Variants in FGF14 observed in about 807,000 individuals in gnomAD.
The protein encoded by FGF14 is fibroblast growth factor 14.
FGF14 carries 5 observed loss-of-function variants against 25.5 expected under a neutral mutation model. The ratio of observed to expected loss-of-function variants is 0.20; its 90% CI spans 0.10 to 0.41. FGF14 has a LOEUF of 0.41. Ranked by LOEUF, FGF14 falls within the 10% of genes least tolerant of loss-of-function variation. FGF14 has a pLI of 1.00. For synonymous variants in FGF14, 138 were observed against 118.3 expected (o/e 1.17, Z -1.08); for missense variants, 222 against 320.1 (o/e 0.69, Z 2.34).
chr13:101,836,789 G>T (rs1236593937), intron 3 of FGF14, among the ~76,000 whole-genome samples: 7 of 151,958 alleles, frequency 4.6e-5, no homozygotes, highest in Non-Finnish European at 1.0e-4. Flanking sequence ...ACCAGCAAGA[G>T]ATTTTTGAGA....
At chr13:101,918,262 C>T (rs2033726454), upstream of FGF14, among the ~76,000 whole-genome samples, 1 of 152,134 alleles carries the variant, frequency 6.6e-6, no homozygotes, top group South Asian at 2.1e-4. Context: ...AACACAGTTC[C>T]GTGGTTTCTA....
At position 101,815,995 on chromosome 13, in the gene FGF14, G is replaced by C. The variant is rs531330550; in HGVS notation, c.408+52730C>G. 5.0e-3 allele frequency among the ~76,000 whole-genome samples: 646 copies of C among 127,992 alleles called. 3 individuals carry two copies. The highest frequency in any genetic ancestry group is 0.018 in the African/African-American group (620 of 34,292). The allele number at this position is 127,992 out of a possible 152,430, so 84.0% of individuals were successfully genotyped here. A position where few individuals can be genotyped will look rare whatever the true frequency, so the allele number is the denominator to read the frequency against. On this transcript the variant is annotated intron_variant, in intron 3 of 4. Coordinates refer to ENST00000376143, the MANE Select transcript of FGF14 (RefSeq NM_004115.4). ...GGCTATTAAAAAGTTGGCTTGGCCG[G>C]GCGCGGTGGCTCACGCCTGTATCCT...
At chr13:101,816,899 G>C (rs1036564883) in intron 3 of FGF14, among the ~76,000 whole-genome samples, 1 of 152,096 alleles carries the variant, frequency 6.6e-6, no homozygotes, top group African/African-American at 2.4e-5. Context: ...GTAATGTTAA[G>C]CATACTTGTT....
At position 102,149,708 on chromosome 13, in the gene FGF14, G is replaced by A. The variant is rs7321918; in HGVS notation, c.208+251763C>T. 2.0e-5 allele frequency among the ~76,000 whole-genome samples: 3 copies of A among 152,338 alleles called. No individual in the cohort carries two copies. The South Asian group carries it at 6.2e-4, about 32-fold the overall frequency. ...GGGGAGTAATAGGGACAAAGGCACA[G>A]AGCCCAGACAGGGCGACGAAGTCGA... On this transcript the variant is annotated intron_variant, in intron 1 of 4. Transcript: ENST00000376131.
intron 1 of FGF14, among the ~76,000 whole-genome samples, chr13:102,341,820 A>T (rs911122126): frequency 2.0e-5 from 3 of 152,298 alleles, no homozygotes; most frequent in African/African-American, 7.2e-5. Context: ...GGTGCCCTGG[A>T]GAGATTGATG....
intron 1 of FGF14, among the ~76,000 whole-genome samples, chr13:101,876,786 A>G (rs1262366224): frequency 6.6e-6 from 1 of 152,090 alleles, no homozygotes; most frequent in Non-Finnish European, 1.5e-5. Context: ...TAATTCTAAG[A>G]TATGCACTAG....
intron 3 of FGF14, among the ~76,000 whole-genome samples, chr13:101,780,511 A>T (rs1051720428): frequency 6.6e-6 from 1 of 152,184 alleles, no homozygotes; most frequent in Non-Finnish European, 1.5e-5. Context: ...TGCTACTTTT[A>T]TTCTTCAACA....
At chr13:102,059,732 C>A (rs1348847915) in intron 1 of FGF14, among the ~76,000 whole-genome samples, 1 of 151,850 alleles carries the variant, frequency 6.6e-6, no homozygotes, top group Non-Finnish European at 1.5e-5. Context: ...ACGCCTGTAG[C>A]CCCAGCTACT....
intron 3 of FGF14, among the ~76,000 whole-genome samples, chr13:101,772,095 C>T (rs1391335487): frequency 6.6e-6 from 1 of 152,010 alleles, no homozygotes; most frequent in Admixed American, 6.6e-5. Context: ...ATTGGGGAGG[C>T]TTCCTAGACC....
intron 1 of FGF14, among the ~76,000 whole-genome samples, chr13:102,378,011 G>A (rs2058080354): frequency 6.6e-6 from 1 of 152,208 alleles, no homozygotes; most frequent in Admixed American, 6.5e-5. Context: ...CTCAGTGACA[G>A]AACAAGGCTC....
chr13:101,972,938 G>C (rs1242708361), intron 1 of FGF14, among the ~76,000 whole-genome samples: 2 of 152,182 alleles, frequency 1.3e-5, no homozygotes, highest in African/African-American at 4.8e-5. Context: ...AAAGAGATAA[G>C]CTTGATGAAG....
At chr13:102,230,256 T>C (rs769503321) in intron 1 of FGF14, among the ~76,000 whole-genome samples, 26 of 152,152 alleles carry the variant, frequency 1.7e-4, no homozygotes, top group Non-Finnish European at 2.1e-4. Flanking sequence ...TCCCAGTCTC[T>C]AGAACTGTGA....
At chr13:102,333,643 G>C (rs146145870) in intron 1 of FGF14, among the ~76,000 whole-genome samples, 131 of 152,290 alleles carry the variant, frequency 8.6e-4, no homozygotes, top group African/African-American at 3.1e-3. Context: ...CATGTAAACA[G>C]CTGTCAACCA....
rs1386710696 is a variant in FGF14 at position 102,161,637 on chromosome 13, G to C, written c.208+239834C>G. On this transcript the variant is annotated intron_variant, in intron 1 of 4. Coordinates refer to the FGF14 transcript ENST00000376131. ...AGAAGAAGAAGAAGAAGAAGAAGAA[G>C]AAGAAGAAGAAGAAGAAGAAGAAGA... Among the ~76,000 whole-genome samples the C allele has an allele frequency of 6.3e-3, 55 of 8,670 alleles. 3 individuals are homozygous for C. The highest frequency in any genetic ancestry group is 0.011 in the Admixed American group (7 of 648). The allele number at this position is 8,670 out of a possible 152,430, so 5.7% of individuals were successfully genotyped here. A position where few individuals can be genotyped will look rare whatever the true frequency, so the allele number is the denominator to read the frequency against.
At chr13:101,868,584 T>A in intron 3 of FGF14, 141 bp downstream of exon 3, 2 of 709,164 alleles carry the variant, frequency 2.8e-6, no homozygotes, top group South Asian at 1.5e-5. Flanking sequence ...AATAAACAGC[T>A]TCTAAGCATT....
chr13:102,083,256 T>C (rs980650522), intron 1 of FGF14, among the ~76,000 whole-genome samples: 4 of 152,240 alleles, frequency 2.6e-5, no homozygotes, highest in African/African-American at 9.6e-5. Context: ...AAAAGCTTCA[T>C]GGTCTCTCTG....
intron 1 of FGF14, among the ~76,000 whole-genome samples, chr13:102,006,724 CTTCTTTTT>C (rs2039811170): frequency 1.0e-5 from 1 of 97,946 alleles, no homozygotes; most frequent in Non-Finnish European, 2.0e-5. Context: ...CAAAATCTTA[CTTCTTTTT>C]TTTTTTTTTT....
chr13:102,254,612 G>A (rs909586402), intron 1 of FGF14, among the ~76,000 whole-genome samples: 6 of 152,216 alleles, frequency 3.9e-5, no homozygotes, highest in African/African-American at 7.2e-5. Flanking sequence ...TGGTACAGAT[G>A]AGGGTTTCTC....
intron 1 of FGF14, among the ~76,000 whole-genome samples, chr13:102,109,613 TTTTGTTTG>T (rs971387509): frequency 5.3e-5 from 8 of 152,148 alleles, no homozygotes; most frequent in East Asian, 1.9e-4. Context: ...TTGATAAGTT[TTTTGTTTG>T]TTTGTTTGTT....
Sources: gnomAD v4.1 joint callset for allele counts (sites outside exome capture counted in the v4.1 genomes callset) on GRCh38, gnomAD v4.1.1 for gene constraint, MANE v1.5 for transcripts, NCBI Gene and HGNC (gene_info 2026-07-23, HGNC 2026-07-21) for gene names.